The following GLIS3 variants were observed in gnomAD, a reference collection of about 807,000 sequenced individuals.
GLIS3 encodes GLIS family zinc finger 3, also known as zinc finger protein GLIS3.
In GLIS3, 53 loss-of-function variants were observed where a neutral mutation model predicts 78.6. The observed-to-expected ratio is 0.67, with a 90% CI of 0.54 to 0.85. The LOEUF is 0.85. Among genes scored for constraint, GLIS3 ranks in the 40% least tolerant of loss-of-function variants. The probability of loss-of-function intolerance (pLI) is 0.00; values close to 1 mark genes in which losing one functional copy is unlikely to be tolerated. For synonymous variants in GLIS3, 684 were observed against 509.9 expected (o/e 1.34, Z -4.60); for missense variants, 1,703 against 1,231.1 (o/e 1.38, Z -5.74).
At chr9:4,398,341 C>T in the GLIS3 span, among the ~76,000 whole-genome samples, 2 of 152,012 alleles carry the variant, frequency 1.3e-5, no homozygotes, top group Non-Finnish European at 2.9e-5. Context: ...ATTAGGAATG[C>T]AGAGTCTCAG....
chr9:4,454,886 A>G, the GLIS3 span, among the ~76,000 whole-genome samples: 1 of 152,222 alleles, frequency 6.6e-6, no homozygotes, highest in Admixed American at 6.5e-5. Flanking sequence ...CATATAATCT[A>G]GAATTGTACA....
intron 2 of GLIS3, among the ~76,000 whole-genome samples, chr9:4,231,240 A>G (rs1822226501): frequency 6.6e-6 from 1 of 152,232 alleles, no homozygotes; most frequent in South Asian, 2.1e-4. Flanking sequence ...CAACTGAACT[A>G]GAAAAACTCA....
chr9:4,213,627 G>C (rs1055456232), intron 2 of GLIS3, among the ~76,000 whole-genome samples: 4 of 152,146 alleles, frequency 2.6e-5, no homozygotes, highest in African/African-American at 9.7e-5. Flanking sequence ...ATATTGAACA[G>C]CACACTAGAC....
intron 4 of GLIS3, among the ~76,000 whole-genome samples, chr9:3,967,010 G>GA (rs1563901200): frequency 0.017 from 479 of 27,844 alleles, 18 homozygotes; most frequent in Middle Eastern, 0.062. Context: ...ATTTCTTTCT[G>GA]CAAAAAAAAA....
intron 2 of GLIS3, among the ~76,000 whole-genome samples, chr9:4,183,784 G>C (rs560309772): frequency 6.6e-6 from 1 of 152,220 alleles, no homozygotes; most frequent in East Asian, 1.9e-4. Context: ...TTACTGCCTG[G>C]TCATGATTCT....
At chr9:4,224,071 G>A (rs565769463) in intron 2 of GLIS3, among the ~76,000 whole-genome samples, 81 of 151,522 alleles carry the variant, frequency 5.3e-4, no homozygotes, top group African/African-American at 1.9e-3. Context: ...GTGCCAAATG[G>A]TATTTATACT....
chr9:4,290,541 C>T (rs10116772), intron 1 of GLIS3, among the ~76,000 whole-genome samples: 1 of 151,890 alleles, frequency 6.6e-6, no homozygotes, highest in East Asian at 1.9e-4. Flanking sequence ...AATGAAAAGC[C>T]TATTGATAGA....
At chr9:4,127,255 C>A (rs806047) in intron 2 of GLIS3, among the ~76,000 whole-genome samples, 2,953 of 152,250 alleles carry the variant, frequency 0.019, 41 homozygotes, top group Non-Finnish European at 0.03. Flanking sequence ...AAAGGGAGAA[C>A]AGAAACTGAT....
the GLIS3 span, among the ~76,000 whole-genome samples, chr9:4,446,638 T>C: frequency 2.0e-5 from 3 of 150,798 alleles, no homozygotes; most frequent in East Asian, 5.9e-4. Flanking sequence ...GCCTCCTAAG[T>C]AGTTGGGATT....
At chr9:4,408,425 A>G in the GLIS3 span, among the ~76,000 whole-genome samples, 6 of 110,236 alleles carry the variant, frequency 5.4e-5, no homozygotes, top group Non-Finnish European at 1.0e-4. Flanking sequence ...TGGTTAATGG[A>G]TATTAAAAAA....
chr9:3,873,582 T>A (rs1821103925), intron 8 of GLIS3, among the ~76,000 whole-genome samples: 1 of 152,180 alleles, frequency 6.6e-6, no homozygotes, highest in South Asian at 2.1e-4. Flanking sequence ...CTAAATACCT[T>A]AACTTGATCA....
chr9:4,035,111 A>G (rs2130307916), intron 4 of GLIS3: 1 of 152,340 alleles, frequency 6.6e-6, no homozygotes, highest in African/African-American at 2.4e-5. Flanking sequence ...TACTAGGAGT[A>G]GAAATAATCT....
At chr9:4,186,369 G>A (rs542102150) in intron 2 of GLIS3, among the ~76,000 whole-genome samples, 3,363 of 151,944 alleles carry the variant, frequency 0.022, 131 homozygotes, top group African/African-American at 0.077. Flanking sequence ...TGGTGTATAT[G>A]TGCCACATTT....
At chr9:4,371,540 A>G in the GLIS3 span, among the ~76,000 whole-genome samples, 1 of 152,136 alleles carries the variant, frequency 6.6e-6, no homozygotes, top group East Asian at 1.9e-4. Context: ...TTCGCTGCCT[A>G]GACTTGCCAA....
the GLIS3 span, among the ~76,000 whole-genome samples, chr9:4,435,761 AAT>A: frequency 5.6e-4 from 86 of 152,262 alleles, no homozygotes; most frequent in East Asian, 4.1e-3. Context: ...CATCCTGGCT[AAT>A]ACAGTGAAAC....
At chr9:4,407,553 A>C in the GLIS3 span, among the ~76,000 whole-genome samples, 19,229 of 152,310 alleles carry the variant, frequency 0.13, 1,593 homozygotes, top group Middle Eastern at 0.19. Context: ...AGGCTGAGGC[A>C]GGAGAATGGC....
chr9:4,447,680 T>C, the GLIS3 span, among the ~76,000 whole-genome samples: 2 of 152,176 alleles, frequency 1.3e-5, no homozygotes, highest in Non-Finnish European at 2.9e-5. Flanking sequence ...ACTGCTGATT[T>C]GCTGAAAGAG....
chr9:4,365,215 G>A, the GLIS3 span, among the ~76,000 whole-genome samples: 2 of 152,262 alleles, frequency 1.3e-5, no homozygotes, highest in South Asian at 2.1e-4. Flanking sequence ...CTTATACCAT[G>A]CAAAAGATCA....
chr9:4,118,720 C>T lies in GLIS3; in HGVS notation c.758G>A (p.Ser253Asn). 6.2e-7 allele frequency: 1 copy of T among 1,613,980 alleles called. No individual in the cohort carries two copies. The highest frequency in any genetic ancestry group is 8.5e-7 in the Non-Finnish European group (1 of 1,180,002). ...QNGLDLGDLL[S>N]LPPGTSMSSN... The stretch of plus-strand genomic sequence containing the variant: ...GGACATGGATGTCCCGGGAGGAAGG[C>T]TAAGGAGATCCCCTAGATCAAGGCC... The change falls in exon 4 of 11, where the codon AGC becomes AAC. Residue 253 changes from serine (S) to asparagine (N), a missense_variant. Coordinates refer to ENST00000381971, the MANE Select transcript of GLIS3 (RefSeq NM_001042413.2). The surrounding 1 kb of genome is among the most constrained non-coding windows in gnomAD (Gnocchi z 4.7).
Sources: allele counts gnomAD v4.1 joint callset (sites outside exome capture counted in the v4.1 genomes callset), GRCh38; gene constraint gnomAD v4.1.1; non-coding constraint Gnocchi (gnomAD v3.1); transcripts MANE v1.5; gene names NCBI Gene and HGNC (gene_info 2026-07-23, HGNC 2026-07-21).